RANBP17: variants seen among roughly 807,000 people sequenced by gnomAD.
The protein encoded by RANBP17 is RAN binding protein 17.
In RANBP17, 158 loss-of-function variants were observed where a neutral mutation model predicts 141.2. The ratio of observed to expected loss-of-function variants is 1.12; its 90% CI spans 0.98 to 1.28. The LOEUF is 1.28. Ranked by LOEUF, RANBP17 falls within the 50% of genes most tolerant of loss-of-function variation. The pLI, the probability that RANBP17 is intolerant of heterozygous loss-of-function variation, is 0.00. For synonymous variants in RANBP17, 430 were observed against 450.0 expected, an observed-to-expected ratio of 0.96 and a Z score of 0.56; for missense variants, 1,438 against 1,290.7, an observed-to-expected ratio of 1.11 and a Z score of -1.75.
chr5:171,195,266 T>C (rs1363365462), intron 18 of RANBP17, among the ~76,000 whole-genome samples: 1 of 152,230 alleles, frequency 6.6e-6, no homozygotes, highest in East Asian at 1.9e-4. Flanking sequence ...ACACTAAATA[T>C]ATGACTACAT....
chr5:171,265,751 A>G lies in RANBP17; in HGVS notation c.2847A>G (p.Ala949=). Residue 949 remains alanine (A), a synonymous_variant, in exon 25 of 28, where the codon GCA becomes GCG. Transcript: ENST00000523189. The part of the protein sequence containing the change: ...YIVTYLFKHI[A]KEGKKPLRCR... The stretch of plus-strand genomic sequence containing the variant: ...TCACCTACCTCTTCAAGCACATAGC[A>G]AAAGAGGGCAAGAAGCCACTTCGAT... The G allele has an allele frequency of 6.2e-7, 1 of 1,614,090 alleles. No individual in the cohort carries two copies. Among genetic ancestry groups the G allele is most frequent in the Non-Finnish European group, 8.5e-7 (1 of 1,179,948 alleles).
chr5:171,154,108 T>G (rs1295908509), intron 14 of RANBP17, among the ~76,000 whole-genome samples: 14 of 151,318 alleles, frequency 9.3e-5, no homozygotes, highest in Admixed American at 7.9e-4. Flanking sequence ...GTTTTTTTTT[T>G]TTTTTTTTTT....
At chr5:171,139,701 AT>A (rs1269571351) in intron 14 of RANBP17, among the ~76,000 whole-genome samples, 2 of 152,160 alleles carry the variant, frequency 1.3e-5, no homozygotes, top group East Asian at 3.8e-4. Context: ...TACTTGGGAT[AT>A]TACATTATAC....
chr5:171,067,933 GT>G (rs1213603691), intron 14 of RANBP17, among the ~76,000 whole-genome samples: 3 of 152,012 alleles, frequency 2.0e-5, no homozygotes, highest in African/African-American at 7.2e-5. Context: ...AGCAAATTTG[GT>G]GTGTTTTTCA....
At chr5:170,945,637 AAT>A (rs1291272984) in intron 12 of RANBP17, among the ~76,000 whole-genome samples, 1 of 152,140 alleles carries the variant, frequency 6.6e-6, no homozygotes, top group African/African-American at 2.4e-5. Flanking sequence ...CCAGTAGAGA[AAT>A]ATAAAAAATT....
intron 14 of RANBP17, among the ~76,000 whole-genome samples, chr5:171,125,689 A>G: frequency 6.6e-6 from 1 of 152,234 alleles, no homozygotes; most frequent in East Asian, 1.9e-4. Context: ...CATTTACAGA[A>G]CATTTAGCCC....
chr5:171,278,067 A>G (rs972438723), intron 25 of RANBP17, among the ~76,000 whole-genome samples: 1 of 142,622 alleles, frequency 7.0e-6, no homozygotes, highest in East Asian at 2.1e-4. Context: ...CACTTAACAG[A>G]TGCTGGTTGC....
intron 14 of RANBP17, among the ~76,000 whole-genome samples, chr5:171,118,278 A>G (rs148274357): frequency 3.0e-4 from 45 of 152,310 alleles, no homozygotes; most frequent in African/African-American, 1.1e-3. Context: ...TGCCAGTACC[A>G]TACCGTTTAG....
intron 14 of RANBP17, among the ~76,000 whole-genome samples, chr5:171,003,459 T>A (rs904548455): frequency 3.3e-5 from 5 of 152,212 alleles, no homozygotes; most frequent in African/African-American, 1.2e-4. Context: ...TAGAAGGGGT[T>A]GGGGTTTGAG....
At chr5:170,991,655 T>C (rs972601421) in intron 14 of RANBP17, among the ~76,000 whole-genome samples, 1 of 151,986 alleles carries the variant, frequency 6.6e-6, no homozygotes, top group African/African-American at 2.4e-5. Context: ...GGAAATCTCA[T>C]TACTTTTTCT....
In RANBP17 at chr5:171,299,015, A is replaced by G. The variant is rs1270900022; in HGVS notation, c.*157A>G. 2.0e-6 allele frequency: 1 copy of G among 491,786 alleles called. No homozygotes were observed. Among genetic ancestry groups the G allele is most frequent in the Non-Finnish European group, 3.6e-6 (1 of 275,668 alleles). The allele number at this position is 491,786 out of a possible 1,614,324, so 30.5% of individuals were successfully genotyped here. A position where few individuals can be genotyped will look rare whatever the true frequency, so the allele number is the denominator to read the frequency against. On this transcript the variant is annotated 3_prime_UTR_variant, in exon 28 of 28. Coordinates refer to ENST00000523189, the MANE Select transcript of RANBP17 (RefSeq NM_022897.5). Reference sequence around the variant, plus strand: ...AACTTCTTATACGTCTAGCCTAATTATAAGAATTTCTAACAGTACCAGTGT... The same window carrying G: ...AACTTCTTATACGTCTAGCCTAATTGTAAGAATTTCTAACAGTACCAGTGT...
intron 14 of RANBP17, among the ~76,000 whole-genome samples, chr5:171,147,308 A>G (rs1411934917): frequency 7.1e-6 from 1 of 141,522 alleles, no homozygotes; most frequent in East Asian, 2.2e-4. Context: ...AAAAAGTAGA[A>G]TTATTATGTA....
intron 22 of RANBP17, among the ~76,000 whole-genome samples, chr5:171,231,806 C>T (rs1371396422): frequency 1.3e-5 from 2 of 151,970 alleles, no homozygotes; most frequent in East Asian, 1.9e-4. Context: ...TATTTTTCTT[C>T]TAATGTTGGA....
chr5:171,161,044 G>A (rs970841090), intron 14 of RANBP17, among the ~76,000 whole-genome samples: 14 of 152,030 alleles, frequency 9.2e-5, no homozygotes, highest in African/African-American at 3.4e-4. Context: ...CACCCATCTC[G>A]GCCTCCTAAA....
chr5:171,094,123 G>C (rs1786506035), intron 14 of RANBP17, among the ~76,000 whole-genome samples: 2 of 152,160 alleles, frequency 1.3e-5, no homozygotes, highest in African/African-American at 4.8e-5. Flanking sequence ...AGGAGACTCA[G>C]GTTCTGAAAC....
intron 13 of RANBP17, among the ~76,000 whole-genome samples, chr5:170,959,724 C>T (rs1411597928): frequency 1.3e-5 from 2 of 152,072 alleles, no homozygotes; most frequent in African/African-American, 4.8e-5. Context: ...TGTATTCTAA[C>T]AAAGGAAGCT....
In RANBP17 at chr5:171,014,453, CTA is replaced by C. The variant is rs1481193468; in HGVS notation, c.1710+46078_1710+46079del. ...CCCTTTTTGAACTTACTAGCTATAA[CTA>C]TTTTATTATTTTGTTAGTTATGCTT... On this transcript the variant is annotated intron_variant, in intron 14 of 27. Coordinates refer to ENST00000523189, the MANE Select transcript of RANBP17 (RefSeq NM_022897.5). Among the ~76,000 whole-genome samples, 4 of 152,016 alleles carry C rather than the reference CTA, an allele frequency of 2.6e-5. No homozygotes were observed. In the East Asian group the frequency reaches 5.8e-4, roughly 22 times the overall value.
intron 25 of RANBP17, among the ~76,000 whole-genome samples, chr5:171,276,709 T>C (rs567441779): frequency 6.6e-6 from 1 of 152,248 alleles, no homozygotes; most frequent in East Asian, 1.9e-4. Context: ...TTTGCTCACA[T>C]TCATGTAAAG....
chr5:170,921,149 T>A (rs1036484234), intron 11 of RANBP17, among the ~76,000 whole-genome samples: 6 of 152,144 alleles, frequency 3.9e-5, no homozygotes, highest in African/African-American at 1.4e-4. Context: ...GGTGTTTTAG[T>A]CATGAAGTCC....
Sources: gnomAD v4.1 joint callset for allele counts (sites outside exome capture counted in the v4.1 genomes callset) on GRCh38, gnomAD v4.1.1 for gene constraint, MANE v1.5 for transcripts, NCBI Gene and HGNC (gene_info 2026-07-23, HGNC 2026-07-21) for gene names.